SEMA3A: variants seen among roughly 807,000 people sequenced by gnomAD.
The protein encoded by SEMA3A is semaphorin-3A.
A neutral mutation model predicts 97.9 loss-of-function variants in SEMA3A; 29 were observed. The ratio of observed to expected loss-of-function variants is 0.30; its 90% CI spans 0.22 to 0.40. The LOEUF is 0.40. SEMA3A is among the 10% of genes least tolerant of loss of function. The probability of loss-of-function intolerance (pLI) is 1.00; values close to 1 mark genes in which losing one functional copy is unlikely to be tolerated. For synonymous variants in SEMA3A, 321 were observed against 323.7 expected (o/e 0.99, Z 0.09); for missense variants, 763 against 951.3 (o/e 0.80, Z 2.60).
intron 1 of SEMA3A, among the ~76,000 whole-genome samples, chr7:84,165,512 T>TGG (rs1260696987): frequency 6.6e-6 from 1 of 152,076 alleles, no homozygotes; most frequent in Non-Finnish European, 1.5e-5. Flanking sequence ...TTACATATGG[T>TGG]GGGCACATGA....
chr7:84,185,098 A>T (rs1187790454), intron 1 of SEMA3A, among the ~76,000 whole-genome samples: 1 of 152,230 alleles, frequency 6.6e-6, no homozygotes, highest in Non-Finnish European at 1.5e-5. Flanking sequence ...TAAAAAAATT[A>T]GAAAAATAAC....
chr7:84,428,087 AC>A (rs1331753653), intron 1 of SEMA3A, among the ~76,000 whole-genome samples: 1 of 152,146 alleles, frequency 6.6e-6, no homozygotes, highest in East Asian at 1.9e-4. Flanking sequence ...CTCAATAATG[AC>A]AATATTTTAG....
chr7:84,198,182 C>CT (rs1250974509), upstream of SEMA3A, among the ~76,000 whole-genome samples: 29 of 151,980 alleles, frequency 1.9e-4, no homozygotes, highest in Non-Finnish European at 3.2e-4. Context: ...TTATATTGGC[C>CT]TTTTTTTATT....
chr7:83,990,586 C>G (rs1442598265), intron 12 of SEMA3A, among the ~76,000 whole-genome samples: 2 of 122,858 alleles, frequency 1.6e-5, no homozygotes, highest in Non-Finnish European at 3.5e-5. Context: ...ATCCTTTCCC[C>G]ATTGCTTGTT....
At chr7:84,434,753 T>A (rs1805080895) in intron 1 of SEMA3A, among the ~76,000 whole-genome samples, 1 of 152,158 alleles carries the variant, frequency 6.6e-6, no homozygotes, top group African/African-American at 2.4e-5. Flanking sequence ...TAATTAATGA[T>A]AAAATGCTAT....
chr7:84,082,444 G>A (rs1157618964), intron 4 of SEMA3A, among the ~76,000 whole-genome samples: 1 of 152,008 alleles, frequency 6.6e-6, no homozygotes, highest in Admixed American at 6.6e-5. Context: ...TTGTGAAGTC[G>A]TAACTCCTGA....
At chr7:83,967,785 A>C (rs780877307) in intron 15 of SEMA3A, among the ~76,000 whole-genome samples, 6 of 152,140 alleles carry the variant, frequency 3.9e-5, no homozygotes, top group Non-Finnish European at 5.9e-5. Context: ...TATCAATTTT[A>C]AAAATTTTGT....
intron 3 of SEMA3A, among the ~76,000 whole-genome samples, chr7:84,274,305 C>T (rs555485217): frequency 7.6e-4 from 115 of 152,184 alleles, no homozygotes; most frequent in Non-Finnish European, 1.5e-3. Flanking sequence ...TCTGCCTTTC[C>T]TTTGGTCAGT....
chr7:84,351,923 A>G (rs149955287), intron 2 of SEMA3A, among the ~76,000 whole-genome samples: 6 of 152,212 alleles, frequency 3.9e-5, no homozygotes, highest in Non-Finnish European at 8.8e-5. Context: ...CTGCATTCCC[A>G]TGTTTATTGC....
chr7:84,203,735 T>C (rs1262797293), intron 3 of SEMA3A, among the ~76,000 whole-genome samples: 4 of 151,334 alleles, frequency 2.6e-5, no homozygotes, highest in Admixed American at 6.6e-5. Flanking sequence ...TTCACTAAGT[T>C]AGTCAGTCTG....
At chr7:84,027,725 A>G (rs1429778715) in intron 6 of SEMA3A, among the ~76,000 whole-genome samples, 1 of 152,184 alleles carries the variant, frequency 6.6e-6, no homozygotes, top group African/African-American at 2.4e-5. Flanking sequence ...AAGCTGTCAC[A>G]GTATCCAGTT....
At chr7:84,488,503 C>T (rs780261628) in intron 1 of SEMA3A, among the ~76,000 whole-genome samples, 4 of 151,672 alleles carry the variant, frequency 2.6e-5, no homozygotes, top group African/African-American at 4.8e-5. Context: ...GCTTTGCAGG[C>T]GGGAATGTGT....
intron 2 of SEMA3A, among the ~76,000 whole-genome samples, chr7:84,339,643 GT>G (rs988140190): frequency 1.3e-5 from 2 of 152,114 alleles, no homozygotes; most frequent in Admixed American, 6.6e-5. Flanking sequence ...GAATATAAGT[GT>G]GGTTATTTTG....
In SEMA3A at chr7:83,963,191, T is replaced by A; in HGVS notation, c.1860+14A>T. ...TCTTAGATATAAATGATCCAGTCAG[T>A]TTCATTCCTGTACCTCTTCTTTTCG... On this transcript the variant is annotated intron_variant, in intron 16 of 16. Transcript: ENST00000265362. 1 of 1,611,932 alleles carries A rather than the reference T, an allele frequency of 6.2e-7. No homozygotes were observed. The highest frequency in any genetic ancestry group is 1.3e-5 in the African/African-American group (1 of 75,038).
intron 1 of SEMA3A, among the ~76,000 whole-genome samples, chr7:84,146,783 G>A (rs1196946206): frequency 1.3e-5 from 2 of 152,062 alleles, no homozygotes; most frequent in Non-Finnish European, 2.9e-5. Flanking sequence ...TGAGTGATGG[G>A]CTAGTAATCT....
chr7:84,352,142 T>C (rs533571813), intron 2 of SEMA3A, among the ~76,000 whole-genome samples: 56 of 151,866 alleles, frequency 3.7e-4, no homozygotes, highest in African/African-American at 1.2e-3. Flanking sequence ...AGACAAACTT[T>C]GCATGTTTTT....
chr7:84,385,190 C>T (rs1029704383), intron 1 of SEMA3A, among the ~76,000 whole-genome samples: 5 of 151,912 alleles, frequency 3.3e-5, no homozygotes, highest in East Asian at 1.9e-4. Flanking sequence ...AGTCCATAGA[C>T]GTTTTGGTTC....
intron 3 of SEMA3A, among the ~76,000 whole-genome samples, chr7:84,280,177 G>A (rs187432292): frequency 6.6e-6 from 1 of 152,228 alleles, no homozygotes; most frequent in African/African-American, 2.4e-5. Context: ...GATTACAGAT[G>A]TGAGACACTG....
intron 2 of SEMA3A, among the ~76,000 whole-genome samples, chr7:84,359,308 G>A (rs1309526899): frequency 5.3e-5 from 8 of 151,816 alleles, no homozygotes; most frequent in African/African-American, 1.5e-4. Flanking sequence ...TTTGAGATCT[G>A]TCCCATCAAT....
Sources: allele counts gnomAD v4.1 joint callset (sites outside exome capture counted in the v4.1 genomes callset), GRCh38; gene constraint gnomAD v4.1.1; transcripts MANE v1.5; gene names NCBI Gene and HGNC (gene_info 2026-07-23, HGNC 2026-07-21).